Variants in PRICKLE2 observed in about 807,000 individuals in gnomAD.
The protein encoded by PRICKLE2 is prickle-like protein 2.
A neutral mutation model predicts 81.4 loss-of-function variants in PRICKLE2; 21 were observed. That is an observed-to-expected ratio of 0.26 (90% confidence interval 0.18 to 0.37). The LOEUF (loss-of-function observed/expected upper bound fraction) is 0.37, where lower values mean the gene tolerates loss of function less well. Among genes scored for constraint, PRICKLE2 ranks in the 10% least tolerant of loss-of-function variants. The probability of loss-of-function intolerance (pLI) is 1.00; values close to 1 mark genes in which losing one functional copy is unlikely to be tolerated. For missense variants in PRICKLE2, 940 were observed against 1,109.0 expected (o/e 0.85, Z 2.16); for synonymous variants, 456 against 421.5 (o/e 1.08, Z -1.00).
At chr3:64,235,982 G>C (rs1316009432) in intron 2 of PRICKLE2, among the ~76,000 whole-genome samples, 1 of 152,052 alleles carries the variant, frequency 6.6e-6, no homozygotes, top group African/African-American at 2.4e-5. Context: ...GGAGAAGAGA[G>C]GATCATGGTT....
At chr3:64,105,526 G>A (rs1332471166) in intron 7 of PRICKLE2, among the ~76,000 whole-genome samples, 1 of 152,136 alleles carries the variant, frequency 6.6e-6, no homozygotes, top group Non-Finnish European at 1.5e-5. Flanking sequence ...ACATGGGTGG[G>A]ATTCCAAACA....
intron 1 of PRICKLE2, among the ~76,000 whole-genome samples, chr3:64,204,002 C>T (rs892610043): frequency 6.6e-6 from 1 of 151,880 alleles, no homozygotes; most frequent in Non-Finnish European, 1.5e-5. Flanking sequence ...CACATACACT[C>T]TAAAACAAAA....
chr3:64,202,186 T>G (rs1438761105), intron 1 of PRICKLE2, among the ~76,000 whole-genome samples: 1 of 152,240 alleles, frequency 6.6e-6, no homozygotes, highest in Non-Finnish European at 1.5e-5. Context: ...AAGCAATTTT[T>G]GTTCTTCTCT....
At chr3:64,255,798 A>C (rs2079516664) in intron 2 of PRICKLE2, among the ~76,000 whole-genome samples, 1 of 152,194 alleles carries the variant, frequency 6.6e-6, no homozygotes, top group Non-Finnish European at 1.5e-5. Context: ...TCATATGTCA[A>C]AGTTCTGGCC....
Position 64,120,904 on chromosome 3 carries a change from G to A in PRICKLE2, c.1661-20979C>T, listed in dbSNP as rs11925023. 5.9e-3 allele frequency among the ~76,000 whole-genome samples: 902 copies of A among 152,258 alleles called. 10 individuals are homozygous for A. The highest frequency in any genetic ancestry group is 0.021 in the African/African-American group (872 of 41,536). On this transcript the variant is annotated intron_variant, in intron 7 of 7. Transcript: ENST00000638394. The stretch of plus-strand genomic sequence containing the variant: ...CCTTCAGCAAAAGTGAAGCTGCCAC[G>A]AACCCATTATCCTGTCTCTGCCAAC...
chr3:64,135,395 G>A (rs901019047), intron 7 of PRICKLE2, among the ~76,000 whole-genome samples: 5 of 152,100 alleles, frequency 3.3e-5, no homozygotes, highest in African/African-American at 1.2e-4. Context: ...GTTGAGAAAG[G>A]CAATTTTCTA....
chr3:64,098,625 T>C lies in PRICKLE2; in HGVS notation c.*426A>G, dbSNP rs1455123320. 5.0e-6 allele frequency: 1 copy of C among 199,148 alleles called. No individual in the cohort carries two copies. Among genetic ancestry groups the C allele is most frequent in the East Asian group, 1.2e-4 (1 of 8,278 alleles). 12.3% of individuals were successfully genotyped at this position (199,148 alleles called of 1,614,324 possible). On this transcript the variant is annotated 3_prime_UTR_variant, in exon 8 of 8. Coordinates refer to ENST00000638394, the MANE Select transcript of PRICKLE2 (RefSeq NM_198859.4). The stretch of plus-strand genomic sequence containing the variant: ...CAAAAATATTTTATCAGAACTCTCA[T>C]TTACATTGCATTTACAATGGACATG...
At chr3:64,214,311 C>T (rs946720647) in intron 1 of PRICKLE2, among the ~76,000 whole-genome samples, 3 of 152,096 alleles carry the variant, frequency 2.0e-5, no homozygotes, top group Non-Finnish European at 4.4e-5. Flanking sequence ...AGTGGACTTG[C>T]GAAACAAGAG....
chr3:64,251,761 T>TG (rs2079449977), intron 2 of PRICKLE2, among the ~76,000 whole-genome samples: 1 of 152,228 alleles, frequency 6.6e-6, no homozygotes, highest in African/African-American at 2.4e-5. Context: ...GGCCCCTTGA[T>TG]CCAGATTGGG....
chr3:64,155,660 T>C (rs2077623728), intron 5 of PRICKLE2, among the ~76,000 whole-genome samples: 1 of 152,116 alleles, frequency 6.6e-6, no homozygotes. Flanking sequence ...CTAGACAAAA[T>C]GTGATACATA....
chr3:64,235,048 GTTTA>G (rs1183554390), intron 2 of PRICKLE2, among the ~76,000 whole-genome samples: 3 of 152,042 alleles, frequency 2.0e-5, no homozygotes, highest in Non-Finnish European at 4.4e-5. Flanking sequence ...TAGGAGCTCT[GTTTA>G]TTTATTTTCA....
intron 2 of PRICKLE2, among the ~76,000 whole-genome samples, chr3:64,265,144 A>G (rs1313961890): frequency 6.6e-6 from 1 of 152,180 alleles, no homozygotes; most frequent in African/African-American, 2.4e-5. Flanking sequence ...CACCAACAAA[A>G]CAAAACAAAG....
chr3:64,215,354 G>A (rs1164532287), intron 1 of PRICKLE2, among the ~76,000 whole-genome samples: 1 of 152,128 alleles, frequency 6.6e-6, no homozygotes, highest in Non-Finnish European at 1.5e-5. Context: ...TCAGGAGCTG[G>A]TCTGCTTTTC....
At chr3:64,102,561 ACT>A (rs1360381345) in intron 7 of PRICKLE2, 1 of 152,644 alleles carries the variant, frequency 6.6e-6, no homozygotes, top group African/African-American at 2.4e-5. Context: ...TCTCCCACTG[ACT>A]CTACCTTAAA....
chr3:64,171,304 G>A (rs1473862076), intron 2 of PRICKLE2, among the ~76,000 whole-genome samples: 9 of 152,178 alleles, frequency 5.9e-5, no homozygotes, highest in African/African-American at 2.2e-4. Flanking sequence ...ATTTGACAAT[G>A]TCTACAAACA....
chr3:64,125,730 T>C (rs2077095836), intron 7 of PRICKLE2, among the ~76,000 whole-genome samples: 1 of 152,244 alleles, frequency 6.6e-6, no homozygotes, highest in African/African-American at 2.4e-5. Flanking sequence ...TTTATATGCA[T>C]TGGGAAACCA....
At chr3:64,249,162 T>C (rs1030041075) in intron 2 of PRICKLE2, among the ~76,000 whole-genome samples, 1 of 152,110 alleles carries the variant, frequency 6.6e-6, no homozygotes, top group African/African-American at 2.4e-5. Flanking sequence ...GAAGCACAAC[T>C]GGGAAACCTC....
chr3:64,250,011 A>C (rs2079423101), intron 2 of PRICKLE2, among the ~76,000 whole-genome samples: 1 of 152,162 alleles, frequency 6.6e-6, no homozygotes, highest in Non-Finnish European at 1.5e-5. Context: ...GCAGAGGTAA[A>C]ACTGAACCTA....
At position 64,224,952 on chromosome 3, in the gene PRICKLE2, C is replaced by T; in HGVS notation, c.-83G>A. ...TGCCCAGTCTCGGAGGAAGCTTCTG[C>T]CAGACCCTTGGAGCTTGTCAATTGT... On this transcript the variant is annotated 5_prime_UTR_variant, in exon 1 of 8. Transcript: ENST00000638394. 1 of 985,354 alleles carries T rather than the reference C, an allele frequency of 1.0e-6. No individual in the cohort carries two copies. The highest frequency in any genetic ancestry group is 1.2e-6 in the Non-Finnish European group (1 of 829,932). 61.0% of individuals were successfully genotyped at this position (985,354 alleles called of 1,614,324 possible).
Sources: gnomAD v4.1 joint callset for allele counts (sites outside exome capture counted in the v4.1 genomes callset) on GRCh38, gnomAD v4.1.1 for gene constraint, MANE v1.5 for transcripts, NCBI Gene and HGNC (gene_info 2026-07-23, HGNC 2026-07-21) for gene names.